Variants in CYP2B6 observed in about 807,000 individuals in gnomAD.
CYP2B6 encodes the protein cytochrome P450 2B6.
Under a neutral mutation model 43.4 loss-of-function variants are expected in CYP2B6, and 35 were observed. That is an observed-to-expected ratio of 0.81 (90% CI 0.62 to 1.07). The LOEUF (loss-of-function observed/expected upper bound fraction) is 1.07. CYP2B6 is among the 50% of genes least tolerant of loss of function. The probability of loss-of-function intolerance (pLI) is 0.00; values close to 1 mark genes in which losing one functional copy is unlikely to be tolerated. For missense variants in CYP2B6, 624 were observed against 632.8 expected, an observed-to-expected ratio of 0.99 and a Z score of 0.15; for synonymous variants, 239 against 239.2, an observed-to-expected ratio of 1.00 and a Z score of 0.01.
chr19:40,999,301 A>G (rs1049640139), intron 1 of CYP2B6, among the ~76,000 whole-genome samples: 3 of 151,646 alleles, frequency 2.0e-5, no homozygotes, highest in African/African-American at 7.3e-5. Context: ...GTTTGAGTTC[A>G]TTGTAGATTC....
Position 41,016,692 on chromosome 19 carries a change from C to T in CYP2B6, c.1341C>T (p.Phe447=), listed in dbSNP as rs1969373349. The stretch of plus-strand genomic sequence containing the variant: ...AAGGCATCGCCCGTGCGGAATTGTT[C>T]CTCTTCTTCACCACCATCCTCCAGA... ...LGEGIARAEL[F]LFFTTILQNF... is the part of the protein sequence containing the mutation. The change falls in exon 9 of 9, where the codon TTC becomes TTT. Residue 447 remains phenylalanine (F), a synonymous_variant. Transcript: ENST00000324071. 6.2e-7 allele frequency: 1 copy of T among 1,614,106 alleles called. No individual in the cohort carries two copies. Among genetic ancestry groups the T allele is most frequent in the South Asian group, 1.1e-5 (1 of 91,086 alleles).
intron 3 of CYP2B6, among the ~76,000 whole-genome samples, chr19:41,006,458 C>T (rs1424733237): frequency 6.6e-6 from 1 of 150,886 alleles, no homozygotes; most frequent in African/African-American, 2.4e-5. Flanking sequence ...CCACCCAGGG[C>T]TTTTTAATTT....
At chr19:40,997,996 G>A (rs553483243) in intron 1 of CYP2B6, among the ~76,000 whole-genome samples, 1 of 152,044 alleles carries the variant, frequency 6.6e-6, no homozygotes, top group African/African-American at 2.4e-5. Flanking sequence ...CAGCTACTTG[G>A]GAGACTGAGG....
chr19:41,011,349 A>G (rs184300895), intron 6 of CYP2B6, among the ~76,000 whole-genome samples: 115 of 152,328 alleles, frequency 7.5e-4, no homozygotes, highest in Admixed American at 9.8e-4. Flanking sequence ...TTGCTCTTCC[A>G]TAAATCTAGC....
At chr19:41,010,258 G>A (rs1969260229) in intron 6 of CYP2B6, 123 bp downstream of exon 6, 3 of 1,231,132 alleles carry the variant, frequency 2.4e-6, no homozygotes, top group Non-Finnish European at 3.5e-6. Context: ...AGCACTGTAG[G>A]CTCTGGGCTA....
At chr19:41,011,186 A>T (rs533935901) in intron 6 of CYP2B6, among the ~76,000 whole-genome samples, 7 of 152,268 alleles carry the variant, frequency 4.6e-5, no homozygotes, top group Admixed American at 4.6e-4. Context: ...TCCTTCCATG[A>T]GTCAACCTTT....
At chr19:41,012,256 G>T (rs1308585734) in intron 6 of CYP2B6, 42 bp from the exon 7 acceptor site, 1 of 1,601,012 alleles carries the variant, frequency 6.2e-7, no homozygotes, top group East Asian at 2.2e-5. Flanking sequence ...GGCCTGAAAT[G>T]CCTCTTTAAA....
chr19:41,016,434 A>AGAGAGC (rs1192799026), intron 8 of CYP2B6, among the ~76,000 whole-genome samples: 1 of 48,758 alleles, frequency 2.1e-5, no homozygotes. Context: ...AAAAAAAAAA[A>AGAGAGC]GAGAGAGAGA....
At chr19:41,008,643 C>T (rs1477204312) in intron 4 of CYP2B6, among the ~76,000 whole-genome samples, 1 of 150,878 alleles carries the variant, frequency 6.6e-6, no homozygotes, top group Admixed American at 6.6e-5. Context: ...GGAGACCCAC[C>T]AGACAGTTAA....
intron 1 of CYP2B6, among the ~76,000 whole-genome samples, chr19:41,003,771 T>C (rs1969131013): frequency 6.6e-6 from 1 of 152,186 alleles, no homozygotes; most frequent in South Asian, 2.1e-4. Flanking sequence ...GAAGGGGCTT[T>C]ACTGGCCCAA....
At position 41,009,795 on chromosome 19, in the gene CYP2B6, G is replaced by A. The variant is rs1969250107; in HGVS notation, c.823-199G>A. ...AGATGTGGAGAGAGATAGAAACAGA[G>A]TTAGGAAGACTAAAGAGAGGCTGAG... On this transcript the variant is annotated intron_variant, in intron 5 of 8. Transcript: ENST00000324071. 4.7e-6 allele frequency: 3 copies of A among 638,864 alleles called. No homozygotes were observed. The South Asian group carries it at 5.6e-5, about 12-fold the overall frequency. 39.6% of individuals were successfully genotyped at this position (638,864 alleles called of 1,614,324 possible).
At chr19:41,002,617 G>A (rs1482888154) in intron 1 of CYP2B6, among the ~76,000 whole-genome samples, 3 of 151,950 alleles carry the variant, frequency 2.0e-5, no homozygotes, top group Admixed American at 1.3e-4. Flanking sequence ...GCACTATCTC[G>A]CCTCACTGCA....
In CYP2B6 at chr19:41,015,191, A is replaced by G. The variant is rs1053245430; in HGVS notation, c.1295-1455A>G. 2.8e-4 allele frequency among the ~76,000 whole-genome samples: 43 copies of G among 151,860 alleles called. 1 individual carries two copies. The highest frequency in any genetic ancestry group is 1.9e-3 in the Admixed American group (29 of 15,262). ...AAGGTATAACCCAAGCCAAAAGGGT[A>G]CTGCAGCCAAAGAAATTCGAAAGGT... On this transcript the variant is annotated intron_variant, in intron 8 of 8. Coordinates refer to ENST00000324071, the MANE Select transcript of CYP2B6 (RefSeq NM_000767.5).
chr19:41,014,463 G>A (rs1235515601), intron 8 of CYP2B6, among the ~76,000 whole-genome samples: 2 of 152,042 alleles, frequency 1.3e-5, no homozygotes, highest in East Asian at 3.9e-4. Context: ...ATGCCACCAT[G>A]CCTGGCTATT....
At chr19:40,997,321 A>T (rs1366283904) in intron 1 of CYP2B6, among the ~76,000 whole-genome samples, 1 of 151,936 alleles carries the variant, frequency 6.6e-6, no homozygotes, top group Non-Finnish European at 1.5e-5. Flanking sequence ...TTATCTACTT[A>T]TCATTACTAA....
intron 1 of CYP2B6, among the ~76,000 whole-genome samples, chr19:40,995,823 A>G (rs1968992206): frequency 6.6e-6 from 1 of 152,132 alleles, no homozygotes; most frequent in South Asian, 2.1e-4. Flanking sequence ...CTGTTGCGGG[A>G]CAATCAAAGA....
chr19:40,991,386 T>A lies in CYP2B6; in HGVS notation c.81T>A (p.His27Gln). 6.2e-7 allele frequency: 1 copy of A among 1,614,040 alleles called. No homozygotes were observed. The highest frequency in any genetic ancestry group is 8.5e-7 in the Non-Finnish European group (1 of 1,180,006). The stretch of plus-strand genomic sequence containing the variant: ...TGGTTCAGCGCCACCCTAACACCCA[T>A]GACCGCCTCCCACCAGGGCCCCGCC... Reference protein sequence around the residue: ...LLLVQRHPNTHDRLPPGPRPL... With the variant: ...LLLVQRHPNTQDRLPPGPRPL... Residue 27 changes from histidine to glutamine, a missense_variant, in exon 1 of 9, where the codon CAT (histidine) becomes CAA (glutamine). Transcript: ENST00000324071.
chr19:41,007,768 C>T lies in CYP2B6; in HGVS notation c.645+703C>T, dbSNP rs145168181. Among the ~76,000 whole-genome samples the T allele has an allele frequency of 9.9e-3, 1,506 of 152,134 alleles. 27 individuals are homozygous for T. Among genetic ancestry groups the T allele is most frequent in the African/African-American group, 0.034 (1,400 of 41,448 alleles). On this transcript the variant is annotated intron_variant, in intron 4 of 8. Transcript: ENST00000324071. ...AGCCTCCTGTAGCTGGGATTACAGG[C>T]GCCTGCCGCTATGCCAGGCTAATGT...
intron 1 of CYP2B6, among the ~76,000 whole-genome samples, chr19:41,002,585 T>C (rs1969110747): frequency 6.6e-6 from 1 of 152,156 alleles, no homozygotes; most frequent in Non-Finnish European, 1.5e-5. Flanking sequence ...TTTTGCTCTG[T>C]CGCCCAGGCT....
Sources: allele counts gnomAD v4.1 joint callset (sites outside exome capture counted in the v4.1 genomes callset), GRCh38; gene constraint gnomAD v4.1.1; transcripts MANE v1.5; gene names NCBI Gene and HGNC (gene_info 2026-07-23, HGNC 2026-07-21).